The following PAICS variants were observed in gnomAD, a reference collection of about 807,000 sequenced individuals.
The protein encoded by PAICS is phosphoribosylaminoimidazole carboxylase and phosphoribosylaminoimidazolesuccinocarboxamide synthase.
PAICS carries 33 observed loss-of-function variants against 53.7 expected under a neutral mutation model. The ratio of observed to expected loss-of-function variants is 0.61; its 90% CI spans 0.47 to 0.82. The LOEUF is 0.82. Among genes scored for constraint, PAICS ranks in the 40% least tolerant of loss-of-function variants. The probability of loss-of-function intolerance (pLI) is 0.00; values close to 1 mark genes in which losing one functional copy is unlikely to be tolerated. For missense variants in PAICS, 394 were observed against 494.1 expected (o/e 0.80, Z 1.92); for synonymous variants, 141 against 167.2 (o/e 0.84, Z 1.21).
intron 2 of PAICS, among the ~76,000 whole-genome samples, chr4:56,445,569 A>G (rs1718572459): frequency 6.6e-6 from 1 of 152,030 alleles, no homozygotes; most frequent in Admixed American, 6.6e-5. Flanking sequence ...CCTGTGTGAC[A>G]CTTTGTCTCA....
At chr4:56,427,256 G>A in the PAICS span, among the ~76,000 whole-genome samples, 1 of 152,296 alleles carries the variant, frequency 6.6e-6, no homozygotes, top group South Asian at 2.1e-4. Context: ...AAGCGAAATT[G>A]TTGATCATAT....
chr4:56,459,595 A>G lies in PAICS; in HGVS notation c.*57A>G. Reference sequence around the variant, plus strand: ...AACTACAAATTTCTAATTTAGCTGAAGGAAAATCAAGCAAGATGAAAAGGT... The same window carrying G: ...AACTACAAATTTCTAATTTAGCTGAGGGAAAATCAAGCAAGATGAAAAGGT... On this transcript the variant is annotated 3_prime_UTR_variant, in exon 9 of 9. Coordinates refer to ENST00000512576, the MANE Select transcript of PAICS (RefSeq NM_001079524.2). 1 of 1,270,556 alleles carries G rather than the reference A, an allele frequency of 7.9e-7. No homozygotes were observed. Among genetic ancestry groups the G allele is most frequent in the Non-Finnish European group, 1.1e-6 (1 of 912,330 alleles). The allele number at this position is 1,270,556 out of a possible 1,614,324, so 78.7% of individuals were successfully genotyped here. A position where few individuals can be genotyped will look rare whatever the true frequency, so the allele number is the denominator to read the frequency against.
At chr4:56,427,680 A>G in the PAICS span, among the ~76,000 whole-genome samples, 6 of 151,688 alleles carry the variant, frequency 4.0e-5, no homozygotes, top group African/African-American at 1.5e-4. Context: ...CTGAAAAATT[A>G]TTCAGAATTA....
chr4:56,453,909 G>A, intron 8 of PAICS, 148 bp downstream of exon 8: 1 of 498,874 alleles, frequency 2.0e-6, no homozygotes, highest in South Asian at 4.5e-5. Context: ...ATCTCCTGCT[G>A]GATTATTTTA....
At position 56,453,697 on chromosome 4, in the gene PAICS, C is replaced by T; in HGVS notation, c.1047C>T (p.Ser349=). 1 of 1,557,712 alleles carries T rather than the reference C, an allele frequency of 6.4e-7. No individual in the cohort carries two copies. Among genetic ancestry groups the T allele is most frequent in the Non-Finnish European group, 8.7e-7 (1 of 1,149,322 alleles). ...MSGNTAYPVI[S]CPPLTPDWGV... is the part of the protein sequence containing the mutation. The stretch of plus-strand genomic sequence containing the variant: ...GGAACACTGCATATCCAGTTATCAG[C>T]TGTCCTCCCCTCACACCAGACTGGG... The change falls in exon 8 of 9, where the codon AGC becomes AGT. Residue 349 remains serine, a synonymous_variant. Coordinates refer to ENST00000512576, the MANE Select transcript of PAICS (RefSeq NM_001079524.2).
At chr4:56,425,457 G>C in the PAICS span, 1 of 870,750 alleles carries the variant, frequency 1.1e-6, no homozygotes, top group Admixed American at 6.2e-5. Context: ...TCAGACATAG[G>C]TATGCTGCTA....
the PAICS span, among the ~76,000 whole-genome samples, chr4:56,426,364 T>C: frequency 6.6e-6 from 1 of 151,622 alleles, no homozygotes; most frequent in Non-Finnish European, 1.5e-5. Context: ...GTCACACCAC[T>C]GCACTCCAGC....
intron 8 of PAICS, among the ~76,000 whole-genome samples, chr4:56,454,013 A>G (rs1719059455): frequency 6.6e-6 from 1 of 152,250 alleles, no homozygotes; most frequent in South Asian, 2.1e-4. Flanking sequence ...ATATTGTTAT[A>G]GAACAAAAGG....
chr4:56,416,939 T>G, the PAICS span, among the ~76,000 whole-genome samples: 1 of 152,170 alleles, frequency 6.6e-6, no homozygotes, highest in East Asian at 1.9e-4. Context: ...AACCTCTGCC[T>G]CCGGGGTTCA....
Position 56,451,906 on chromosome 4 carries a change from T to C in PAICS, c.806T>C (p.Val269Ala), listed in dbSNP as rs1455165838. ...LLKSESQCRV[V>A]VLMGSTSDLG... ...AAATCAGAAAGTCAGTGCAGGGTTG[T>C]AGTGTTGATGGGCTCTACTTCTGAT... is the stretch of plus-strand genomic sequence containing the variant. Residue 269 changes from valine to alanine, a missense_variant, in exon 7 of 9, where the codon GTA becomes GCA. Transcript: ENST00000512576. 6.2e-7 allele frequency: 1 copy of C among 1,606,840 alleles called. No homozygotes were observed. Among genetic ancestry groups the C allele is most frequent in the Non-Finnish European group, 8.5e-7 (1 of 1,176,638 alleles).
chr4:56,457,526 C>A (rs1321713925), intron 8 of PAICS, among the ~76,000 whole-genome samples: 1 of 152,140 alleles, frequency 6.6e-6, no homozygotes, highest in Non-Finnish European at 1.5e-5. Context: ...GACTTCGAGT[C>A]AGTCATCTTC....
At position 56,438,339 on chromosome 4, in the gene PAICS, G is replaced by A. The variant is rs1261096929; in HGVS notation, c.16+2011G>A. ...TCTTCTATAAGCCACATTTTAAAAA[G>A]TAAAATAATAAAAAAAACTGGTGCA... On this transcript the variant is annotated intron_variant, in intron 1 of 8. Transcript: ENST00000512576. Among the ~76,000 whole-genome samples the A allele has an allele frequency of 4.4e-4, 53 of 120,178 alleles. 1 individual carries two copies. Among genetic ancestry groups the A allele is most frequent in the Non-Finnish European group, 7.6e-4 (41 of 54,276 alleles). The allele number at this position is 120,178 out of a possible 152,430, so 78.8% of individuals were successfully genotyped here.
upstream of PAICS, chr4:56,435,597 G>T: frequency 6.5e-7 from 1 of 1,547,110 alleles, no homozygotes; most frequent in Non-Finnish European, 8.8e-7. Context: ...CTTCCTTCCC[G>T]AGGGTGGCCC....
chr4:56,419,952 G>T, the PAICS span: 1 of 983,894 alleles, frequency 1.0e-6, no homozygotes. Flanking sequence ...TGCTATTCTG[G>T]GACCCAATAA....
upstream of PAICS, chr4:56,431,426 G>A (rs1717580301): frequency 2.0e-6 from 2 of 982,188 alleles, no homozygotes; most frequent in African/African-American, 3.5e-5. Flanking sequence ...TGCAGAACCA[G>A]TGTCTAAATC....
At chr4:56,424,969 T>C in the PAICS span, among the ~76,000 whole-genome samples, 4 of 152,164 alleles carry the variant, frequency 2.6e-5, no homozygotes, top group Non-Finnish European at 5.9e-5. Context: ...ATATATCCTA[T>C]TAGAGGAGGT....
chr4:56,432,319 G>C (rs916494513), upstream of PAICS, among the ~76,000 whole-genome samples: 1 of 152,026 alleles, frequency 6.6e-6, no homozygotes, highest in African/African-American at 2.4e-5. Flanking sequence ...CTTGAGGCCA[G>C]GAGTTCAAGA....
intron 2 of PAICS, among the ~76,000 whole-genome samples, chr4:56,444,405 G>T (rs2110085422): frequency 6.6e-6 from 1 of 152,230 alleles, no homozygotes; most frequent in East Asian, 1.9e-4. Flanking sequence ...TACATTAAGT[G>T]TAATACTAGT....
intron 1 of PAICS, among the ~76,000 whole-genome samples, chr4:56,437,163 G>C (rs922238461): frequency 6.6e-6 from 1 of 150,832 alleles, no homozygotes; most frequent in African/African-American, 2.4e-5. Context: ...GATGTCATGG[G>C]TGTGTATGTG....
Sources: gnomAD v4.1 joint callset for allele counts (sites outside exome capture counted in the v4.1 genomes callset) on GRCh38, gnomAD v4.1.1 for gene constraint, MANE v1.5 for transcripts, NCBI Gene and HGNC (gene_info 2026-07-23, HGNC 2026-07-21) for gene names.